Variants in ADAMTS3 observed in about 807,000 individuals in gnomAD.
ADAMTS3 encodes the protein A disintegrin and metalloproteinase with thrombospondin motifs 3.
Under a neutral mutation model 129.0 loss-of-function variants are expected in ADAMTS3, and 73 were observed. The ratio of observed to expected loss-of-function variants is 0.57; its 90% CI spans 0.47 to 0.69. ADAMTS3 has a LOEUF of 0.69. Among genes scored for constraint, ADAMTS3 ranks in the 30% least tolerant of loss-of-function variants. ADAMTS3 has a pLI of 0.00. For missense variants in ADAMTS3, 1,457 were observed against 1,514.5 expected, an observed-to-expected ratio of 0.96 and a Z score of 0.63; for synonymous variants, 477 against 510.8, an observed-to-expected ratio of 0.93 and a Z score of 0.89.
intron 17 of ADAMTS3, among the ~76,000 whole-genome samples, chr4:72,301,784 C>T (rs1718956183): frequency 6.6e-6 from 1 of 151,940 alleles, no homozygotes; most frequent in African/African-American, 2.4e-5. Context: ...CAAGCCAGAT[C>T]TTATTCCTGA....
At chr4:72,555,678 T>C (rs1336579286) in intron 2 of ADAMTS3, among the ~76,000 whole-genome samples, 2 of 151,834 alleles carry the variant, frequency 1.3e-5, no homozygotes, top group South Asian at 2.1e-4. Flanking sequence ...TATGTTTAAA[T>C]GGCTTGGTAT....
At chr4:72,430,117 G>T (rs992543015) in intron 3 of ADAMTS3, among the ~76,000 whole-genome samples, 1 of 151,986 alleles carries the variant, frequency 6.6e-6, no homozygotes, top group Non-Finnish European at 1.5e-5. Context: ...TTCCAAAGAT[G>T]GCCATATTAC....
At chr4:72,530,888 T>G (rs535440630) in intron 3 of ADAMTS3, among the ~76,000 whole-genome samples, 1 of 137,194 alleles carries the variant, frequency 7.3e-6, no homozygotes, top group African/African-American at 2.7e-5. Context: ...GCTCTTTAGA[T>G]ATACATATAT....
chr4:72,313,956 T>A, intron 11 of ADAMTS3, 134 bp from the exon 12 acceptor site: 2 of 961,276 alleles, frequency 2.1e-6, no homozygotes, highest in Non-Finnish European at 3.1e-6. Context: ...TTTAAAATTA[T>A]CCAAAAGCAA....
intron 3 of ADAMTS3, among the ~76,000 whole-genome samples, chr4:72,497,867 A>T (rs988968579): frequency 1.3e-5 from 2 of 152,076 alleles, no homozygotes; most frequent in African/African-American, 2.4e-5. Context: ...CTGAATTCAC[A>T]TCGCTAAAGA....
At chr4:72,384,767 A>T (rs1721391444) in intron 4 of ADAMTS3, among the ~76,000 whole-genome samples, 1 of 152,198 alleles carries the variant, frequency 6.6e-6, no homozygotes, top group Non-Finnish European at 1.5e-5. Flanking sequence ...GGTAAATATA[A>T]AATATTATTT....
intron 3 of ADAMTS3, among the ~76,000 whole-genome samples, chr4:72,452,025 G>GCTA (rs1371423173): frequency 1.3e-5 from 2 of 151,732 alleles, no homozygotes; most frequent in Non-Finnish European, 2.9e-5. Context: ...GGAGGTCAAG[G>GCTA]CTACAATGAG....
intron 3 of ADAMTS3, among the ~76,000 whole-genome samples, chr4:72,512,202 G>A (rs1228570763): frequency 6.6e-6 from 1 of 152,266 alleles, no homozygotes; most frequent in Non-Finnish European, 1.5e-5. Flanking sequence ...CTGGTTGGGT[G>A]CACTGGCTCA....
intron 3 of ADAMTS3, among the ~76,000 whole-genome samples, chr4:72,460,879 A>G (rs1197471337): frequency 6.6e-6 from 1 of 151,748 alleles, no homozygotes. Flanking sequence ...GGAATTCATC[A>G]TAAGACTGAA....
At chr4:72,292,948 T>G (rs1718713497) in intron 19 of ADAMTS3, among the ~76,000 whole-genome samples, 1 of 152,176 alleles carries the variant, frequency 6.6e-6, no homozygotes, top group Non-Finnish European at 1.5e-5. Context: ...AATATTATAC[T>G]TCACAGATAT....
At chr4:72,296,318 G>C (rs537493903) in intron 18 of ADAMTS3, among the ~76,000 whole-genome samples, 22 of 152,192 alleles carry the variant, frequency 1.4e-4, no homozygotes, top group South Asian at 4.1e-4. Flanking sequence ...CATGTGGCTA[G>C]AGGATCATGT....
intron 4 of ADAMTS3, among the ~76,000 whole-genome samples, chr4:72,391,516 G>A (rs1049970992): frequency 6.6e-6 from 1 of 152,146 alleles, no homozygotes; most frequent in Non-Finnish European, 1.5e-5. Context: ...AGGACAAGAA[G>A]GGCTGGATGG....
intron 19 of ADAMTS3, among the ~76,000 whole-genome samples, chr4:72,294,588 T>TA (rs1308410027): frequency 2.0e-5 from 3 of 151,986 alleles, no homozygotes; most frequent in Non-Finnish European, 2.9e-5. Flanking sequence ...ATTTTTCAAT[T>TA]AAAAAACTCT....
intron 3 of ADAMTS3, among the ~76,000 whole-genome samples, chr4:72,484,587 A>G (rs1719529145): frequency 6.6e-6 from 1 of 152,206 alleles, no homozygotes; most frequent in Non-Finnish European, 1.5e-5. Flanking sequence ...CTTGATTTAT[A>G]TACTCACCTT....
At chr4:72,390,075 T>C (rs1377322087) in intron 4 of ADAMTS3, among the ~76,000 whole-genome samples, 1 of 152,154 alleles carries the variant, frequency 6.6e-6, no homozygotes, top group African/African-American at 2.4e-5. Flanking sequence ...AAAATCTATT[T>C]CTAGTTTCCA....
chr4:72,413,527 A>G (rs1722230801), intron 4 of ADAMTS3, among the ~76,000 whole-genome samples: 1 of 152,028 alleles, frequency 6.6e-6, no homozygotes, highest in South Asian at 2.1e-4. Flanking sequence ...AAAACTCTTA[A>G]CATGCAAACC....
intron 4 of ADAMTS3, among the ~76,000 whole-genome samples, chr4:72,358,499 T>C (rs1720639124): frequency 6.6e-6 from 1 of 151,998 alleles, no homozygotes; most frequent in Non-Finnish European, 1.5e-5. Context: ...ACTATTCATT[T>C]TTCGTTGATC....
At chr4:72,362,380 C>T (rs1413100550) in intron 4 of ADAMTS3, among the ~76,000 whole-genome samples, 1 of 152,118 alleles carries the variant, frequency 6.6e-6, no homozygotes, top group Non-Finnish European at 1.5e-5. Flanking sequence ...TACCAGGTGA[C>T]TAGTCATTTG....
At chr4:72,530,715 TATA>T (rs1383558740) in intron 3 of ADAMTS3, among the ~76,000 whole-genome samples, 79 of 93,476 alleles carry the variant, frequency 8.5e-4, no homozygotes, top group African/African-American at 1.2e-3. Context: ...ATATATTATA[TATA>T]ATATTATACA....
Sources: allele counts gnomAD v4.1 joint callset (sites outside exome capture counted in the v4.1 genomes callset), GRCh38; gene constraint gnomAD v4.1.1; transcripts MANE v1.5; gene names NCBI Gene and HGNC (gene_info 2026-07-23, HGNC 2026-07-21).